The following ATP6V1C2 variants were observed in gnomAD, a reference collection of about 807,000 sequenced individuals.
The protein encoded by ATP6V1C2 is ATPase H+ transporting V1 subunit C2.
ATP6V1C2 carries 45 observed loss-of-function variants against 56.8 expected under a neutral mutation model. The ratio of observed to expected loss-of-function variants is 0.79; its 90% CI spans 0.62 to 1.02. ATP6V1C2 has a LOEUF of 1.02. Among genes scored for constraint, ATP6V1C2 ranks in the 50% least tolerant of loss-of-function variants. The pLI is 0.00. For synonymous variants in ATP6V1C2, 220 were observed against 201.3 expected (o/e 1.09, Z -0.79); for missense variants, 463 against 519.7 (o/e 0.89, Z 1.06).
chr2:10,755,420 G>A (rs1430900882), intron 4 of ATP6V1C2, among the ~76,000 whole-genome samples: 4 of 152,134 alleles, frequency 2.6e-5, no homozygotes, highest in South Asian at 2.1e-4. Context: ...GGGCTCAAGC[G>A]ATCCTCCTGC....
In ATP6V1C2 at chr2:10,782,230, T is replaced by C; in HGVS notation, c.1062-13T>C. 6.2e-7 allele frequency: 1 copy of C among 1,613,520 alleles called. No homozygotes were observed. The highest frequency in any genetic ancestry group is 1.1e-5 in the South Asian group (1 of 90,912). On this transcript the variant is annotated splice_polypyrimidine_tract_variant and intron_variant, in intron 12 of 13. Transcript: ENST00000272238. ...TGGAGCAGTGAACTGACACATTTTG[T>C]CTATCTGAAAAGGTATGGACTACCA... is the stretch of plus-strand genomic sequence containing the variant.
chr2:10,768,964 C>T (rs534353876), intron 6 of ATP6V1C2, among the ~76,000 whole-genome samples, 154 bp downstream of exon 6: 196 of 152,302 alleles, frequency 1.3e-3, no homozygotes, highest in African/African-American at 4.3e-3. Flanking sequence ...CTCCAAGAGC[C>T]GCGTGCTGGG....
intron 2 of ATP6V1C2, among the ~76,000 whole-genome samples, chr2:10,724,702 T>C (rs1359960519): frequency 8.8e-5 from 13 of 147,800 alleles, no homozygotes; most frequent in Non-Finnish European, 1.6e-4. Context: ...GGTTGGAGCC[T>C]CGCTCTGTCA....
At chr2:10,732,402 C>T (rs1165240013) in intron 3 of ATP6V1C2, among the ~76,000 whole-genome samples, 1 of 152,036 alleles carries the variant, frequency 6.6e-6, no homozygotes, top group Non-Finnish European at 1.5e-5. Flanking sequence ...GGATTACAGG[C>T]ACCCACCACC....
rs190780618 is a variant in ATP6V1C2, at chr2:10,781,454, C to G, written c.1062-789C>G. ...GATCGCACCATTGCACTCCAGCCTG[C>G]GTGACAGAGCGAGATTCTGTCTCAA... On this transcript the variant is annotated intron_variant, in intron 12 of 13. Transcript: ENST00000272238. Among the ~76,000 whole-genome samples the G allele has an allele frequency of 3.7e-3, 565 of 151,602 alleles. 5 individuals are homozygous for G. Among genetic ancestry groups the G allele is most frequent in the African/African-American group, 0.013 (546 of 41,274 alleles).
intron 2 of ATP6V1C2, among the ~76,000 whole-genome samples, chr2:10,723,473 G>C (rs1661467548): frequency 6.6e-6 from 1 of 152,084 alleles, no homozygotes; most frequent in Non-Finnish European, 1.5e-5. Flanking sequence ...GGTGACAGAA[G>C]AGAGTTTGGG....
intron 3 of ATP6V1C2, among the ~76,000 whole-genome samples, chr2:10,743,043 G>A (rs543697035): frequency 6.8e-4 from 103 of 152,270 alleles, no homozygotes; most frequent in Non-Finnish European, 1.1e-3. Context: ...TCGAGGTAAG[G>A]GGCTGGGCCT....
Position 10,782,537 on chromosome 2 carries a change from T to TA in ATP6V1C2, c.1194+172dup, listed in dbSNP as rs759672034. ...CAACATGGTAAGACCCTGTCTCTACTAAAAAAAAAATTGGGCTGGGCATAG... is the reference window on the plus strand; with the variant it reads ...CAACATGGTAAGACCCTGTCTCTACTAAAAAAAAAAATTGGGCTGGGCATAG... On this transcript the variant is annotated intron_variant, in intron 13 of 13. Coordinates refer to ENST00000272238, the MANE Select transcript of ATP6V1C2 (RefSeq NM_001039362.2). Among the ~76,000 whole-genome samples, 544 of 148,752 alleles carry TA rather than the reference T, an allele frequency of 3.7e-3. 8 individuals are homozygous for TA. Among genetic ancestry groups the TA allele is most frequent in the East Asian group, 0.03 (151 of 5,104 alleles).
intron 3 of ATP6V1C2, among the ~76,000 whole-genome samples, chr2:10,732,503 G>C (rs1326147471): frequency 1.3e-5 from 2 of 151,802 alleles, no homozygotes; most frequent in Non-Finnish European, 2.9e-5. Flanking sequence ...CAGGTGATCC[G>C]CCAGCCTTGG....
At chr2:10,722,115 C>T (rs557042474) in intron 1 of ATP6V1C2, among the ~76,000 whole-genome samples, 10 of 152,224 alleles carry the variant, frequency 6.6e-5, no homozygotes, top group Admixed American at 5.2e-4. Context: ...AAAGGGGGAA[C>T]CTGGCCGAGG....
intron 11 of ATP6V1C2, 37 bp from the exon 12 acceptor site, chr2:10,778,535 G>A (rs763707483): frequency 2.5e-5 from 40 of 1,598,600 alleles, no homozygotes; most frequent in Middle Eastern, 3.3e-4. Flanking sequence ...CAGGCGGGGT[G>A]TTCAGCAGGG....
intron 3 of ATP6V1C2, among the ~76,000 whole-genome samples, chr2:10,727,045 CT>C (rs59475936): frequency 0.023 from 3,501 of 149,832 alleles, 159 homozygotes; most frequent in African/African-American, 0.084. Flanking sequence ...GCCTTCCTTC[CT>C]TCCTTCCTCC....
Position 10,784,417 on chromosome 2 carries a change from A to G in ATP6V1C2, c.*1154A>G. On this transcript the variant is annotated 3_prime_UTR_variant, in exon 14 of 14. Transcript: ENST00000272238. The stretch of plus-strand genomic sequence containing the variant: ...ATTTTATGGAAGAGCGACTCTCTGG[A>G]GCTACTCCTGCTACAATCCAGGTTC... The G allele has an allele frequency of 1.1e-6, 1 of 945,918 alleles. No homozygotes were observed. The highest frequency in any genetic ancestry group is 1.6e-5 in the South Asian group (1 of 63,702). The allele number at this position is 945,918 out of a possible 1,614,324, so 58.6% of individuals were successfully genotyped here. A position where few individuals can be genotyped will look rare whatever the true frequency, so the allele number is the denominator to read the frequency against.
chr2:10,784,399 G>C lies in ATP6V1C2; in HGVS notation c.*1136G>C, dbSNP rs548218187. The C allele has an allele frequency of 2.6e-5, 30 of 1,160,166 alleles. No homozygotes were observed. Among genetic ancestry groups the C allele is most frequent in the Non-Finnish European group, 3.5e-5 (28 of 795,926 alleles). 71.9% of individuals were successfully genotyped at this position (1,160,166 alleles called of 1,614,324 possible). On this transcript the variant is annotated 3_prime_UTR_variant, in exon 14 of 14. Coordinates refer to ENST00000272238, the MANE Select transcript of ATP6V1C2 (RefSeq NM_001039362.2). ...CTGGAAGGTCAACATCTCATTTTAT[G>C]GAAGAGCGACTCTCTGGAGCTACTC...
At chr2:10,775,627 C>T (rs6737844) in intron 10 of ATP6V1C2, among the ~76,000 whole-genome samples, 101,287 of 151,900 alleles carry the variant, frequency 0.67, 34,765 homozygotes, top group African/African-American at 0.84. Flanking sequence ...AAACCCTTCA[C>T]GGAGGAGGAC....
At chr2:10,777,963 G>A (rs1665108191) in intron 11 of ATP6V1C2, among the ~76,000 whole-genome samples, 1 of 144,482 alleles carries the variant, frequency 6.9e-6, no homozygotes, top group Admixed American at 6.7e-5. Flanking sequence ...CTGGCTGGAG[G>A]TGGCTGGAGC....
intron 3 of ATP6V1C2, among the ~76,000 whole-genome samples, chr2:10,750,425 A>T (rs977999994): frequency 2.2e-4 from 34 of 152,088 alleles, no homozygotes; most frequent in Non-Finnish European, 4.3e-4. Context: ...CTGAGGCAGA[A>T]GGATCACTTG....
intron 3 of ATP6V1C2, among the ~76,000 whole-genome samples, chr2:10,745,358 G>A (rs1017292672): frequency 1.5e-5 from 2 of 132,926 alleles, no homozygotes; most frequent in South Asian, 2.4e-4. Flanking sequence ...CTTTTTAACC[G>A]TTTTTTTTTT....
chr2:10,779,641 G>A (rs1433008214), intron 12 of ATP6V1C2, among the ~76,000 whole-genome samples: 11 of 144,734 alleles, frequency 7.6e-5, no homozygotes, highest in South Asian at 2.2e-4. Flanking sequence ...AGCCGAGATC[G>A]CGTCACTGCA....
Sources: gnomAD v4.1 joint callset for allele counts (sites outside exome capture counted in the v4.1 genomes callset) on GRCh38, gnomAD v4.1.1 for gene constraint, MANE v1.5 for transcripts, NCBI Gene and HGNC (gene_info 2026-07-23, HGNC 2026-07-21) for gene names.